Variants in CA10 observed in about 807,000 individuals in gnomAD.
CA10 encodes the protein carbonic anhydrase-related protein 10.
In CA10, 14 loss-of-function variants were observed where a neutral mutation model predicts 44.2. The observed-to-expected ratio is 0.32, with a 90% confidence interval of 0.21 to 0.50. The LOEUF (loss-of-function observed/expected upper bound fraction) is 0.50. CA10 is among the 20% of genes least tolerant of loss of function. The pLI, the probability that CA10 is intolerant of heterozygous loss-of-function variation, is 0.99. For missense variants in CA10, 350 were observed against 409.7 expected, an observed-to-expected ratio of 0.85 and a Z score of 1.26; for synonymous variants, 159 against 141.6, an observed-to-expected ratio of 1.12 and a Z score of -0.87.
At chr17:52,100,354 G>A (rs781230724) in intron 1 of CA10, among the ~76,000 whole-genome samples, 2 of 152,056 alleles carry the variant, frequency 1.3e-5, no homozygotes, top group Non-Finnish European at 2.9e-5. Flanking sequence ...TTTGGGCAGT[G>A]AAAAGGTATA....
At chr17:51,850,270 G>A (rs963225533) in intron 3 of CA10, among the ~76,000 whole-genome samples, 1 of 152,180 alleles carries the variant, frequency 6.6e-6, no homozygotes, top group African/African-American at 2.4e-5. Context: ...TTCATATACA[G>A]AATCATAATG....
chr17:51,764,552 T>C (rs1476876867), intron 3 of CA10, among the ~76,000 whole-genome samples: 3 of 152,280 alleles, frequency 2.0e-5, no homozygotes, highest in African/African-American at 7.2e-5. Flanking sequence ...CTTCTGAACC[T>C]AGTCACTAGA....
intron 3 of CA10, among the ~76,000 whole-genome samples, chr17:51,749,705 G>A (rs747709884): frequency 6.6e-6 from 1 of 152,226 alleles, no homozygotes; most frequent in Non-Finnish European, 1.5e-5. Context: ...TTGAGTTCCT[G>A]AACTGCAAGG....
chr17:52,147,292 T>C (rs1182415609), intron 1 of CA10, among the ~76,000 whole-genome samples: 1 of 152,144 alleles, frequency 6.6e-6, no homozygotes, highest in African/African-American at 2.4e-5. Context: ...CTAAAACACT[T>C]TGCATATACA....
chr17:51,643,034 T>C (rs958606503), intron 6 of CA10, among the ~76,000 whole-genome samples: 1 of 152,180 alleles, frequency 6.6e-6, no homozygotes, highest in African/African-American at 2.4e-5. Flanking sequence ...AGAATGAAGC[T>C]ACCAAAATAA....
intron 3 of CA10, among the ~76,000 whole-genome samples, chr17:51,872,176 C>T (rs1358690742): frequency 6.6e-6 from 1 of 152,194 alleles, no homozygotes; most frequent in African/African-American, 2.4e-5. Flanking sequence ...CCTGTGCTCC[C>T]ATAAGTCTCT....
chr17:51,751,048 G>A (rs907776261), intron 3 of CA10, among the ~76,000 whole-genome samples: 6 of 152,190 alleles, frequency 3.9e-5, no homozygotes, highest in African/African-American at 1.4e-4. Flanking sequence ...TGAATTTCTT[G>A]AAGCTTCAGT....
At chr17:51,918,292 T>TTA (rs1982084415) in intron 3 of CA10, among the ~76,000 whole-genome samples, 1 of 152,090 alleles carries the variant, frequency 6.6e-6, no homozygotes. Flanking sequence ...GAAGCAAGAG[T>TTA]GGCTTTTCCT....
chr17:52,158,800 G>T, upstream of CA10: 1 of 153,040 alleles, frequency 6.5e-6, no homozygotes. Flanking sequence ...GCGGGAGGGG[G>T]AGGAGGAGAA....
intron 2 of CA10, among the ~76,000 whole-genome samples, chr17:52,050,257 T>C (rs1295879049): frequency 2.0e-5 from 3 of 151,952 alleles, no homozygotes; most frequent in Admixed American, 6.6e-5. Flanking sequence ...TGCTTTTTTT[T>C]CCCCCATTCA....
At chr17:52,060,343 T>C (rs1372557272) in intron 2 of CA10, among the ~76,000 whole-genome samples, 1 of 152,112 alleles carries the variant, frequency 6.6e-6, no homozygotes, top group Non-Finnish European at 1.5e-5. Flanking sequence ...AAATGTAATA[T>C]GGTATCCTAA....
intron 2 of CA10, among the ~76,000 whole-genome samples, chr17:52,057,567 G>T (rs966700606): frequency 6.6e-6 from 1 of 151,928 alleles, no homozygotes; most frequent in African/African-American, 2.4e-5. Flanking sequence ...TTGAGTTTTG[G>T]GGGAGTCAAA....
intron 4 of CA10, among the ~76,000 whole-genome samples, chr17:51,746,624 C>T (rs1481185466): frequency 6.6e-6 from 1 of 152,200 alleles, no homozygotes; most frequent in Non-Finnish European, 1.5e-5. Flanking sequence ...GAATGTAGCA[C>T]TCTTTGAGCT....
chr17:52,144,688 C>T (rs1989547068), intron 1 of CA10, among the ~76,000 whole-genome samples: 1 of 152,172 alleles, frequency 6.6e-6, no homozygotes, highest in Admixed American at 6.5e-5. Context: ...TATGTGCAGA[C>T]ATTGTGCTGA....
chr17:51,668,588 C>A (rs1334455862), intron 4 of CA10, among the ~76,000 whole-genome samples: 1 of 152,212 alleles, frequency 6.6e-6, no homozygotes, highest in African/African-American at 2.4e-5. Context: ...GTCCGGTGTA[C>A]TGTCCTGATA....
At chr17:51,799,528 C>T (rs1254807923) in intron 3 of CA10, among the ~76,000 whole-genome samples, 1 of 152,184 alleles carries the variant, frequency 6.6e-6, no homozygotes, top group African/African-American at 2.4e-5. Flanking sequence ...AATATCCTAA[C>T]ATTTCCTTGG....
intron 4 of CA10, among the ~76,000 whole-genome samples, chr17:51,654,933 A>G (rs1209197112): frequency 6.6e-6 from 1 of 152,062 alleles, no homozygotes; most frequent in Non-Finnish European, 1.5e-5. Context: ...TTCTAATTCT[A>G]GTCCATGCTA....
intron 3 of CA10, among the ~76,000 whole-genome samples, chr17:51,806,807 G>C (rs1907157300): frequency 6.6e-6 from 1 of 152,240 alleles, no homozygotes; most frequent in Admixed American, 6.5e-5. Flanking sequence ...ATAATGTATA[G>C]TATTCAAAGC....
intron 3 of CA10, among the ~76,000 whole-genome samples, chr17:51,783,237 T>G (rs982931341): frequency 5.3e-5 from 8 of 152,214 alleles, no homozygotes; most frequent in African/African-American, 1.9e-4. Flanking sequence ...AAATGAATAC[T>G]TATTGAATGG....
Sources: allele counts gnomAD v4.1 joint callset (sites outside exome capture counted in the v4.1 genomes callset), GRCh38; gene constraint gnomAD v4.1.1; transcripts MANE v1.5; gene names NCBI Gene and HGNC (gene_info 2026-07-23, HGNC 2026-07-21).